Variants in AGBL4 observed in about 807,000 individuals in gnomAD.
AGBL4 encodes AGBL carboxypeptidase 4.
In AGBL4, 58 loss-of-function variants were observed where a neutral mutation model predicts 66.4. The observed-to-expected ratio is 0.87, with a 90% CI of 0.71 to 1.09. The LOEUF is 1.09. AGBL4 is among the 50% of genes least tolerant of loss of function. The probability of loss-of-function intolerance (pLI) is 0.00; values close to 1 mark genes in which losing one functional copy is unlikely to be tolerated. For missense variants in AGBL4, 579 were observed against 631.0 expected (o/e 0.92, Z 0.88); for synonymous variants, 234 against 222.9 (o/e 1.05, Z -0.44).
At chr1:49,084,071 T>C (rs1174597659) in intron 4 of AGBL4, among the ~76,000 whole-genome samples, 2 of 147,942 alleles carry the variant, frequency 1.4e-5, no homozygotes, top group East Asian at 1.9e-4. Context: ...TCATTGTCCA[T>C]ATCACTATCA....
At chr1:49,454,021 C>G (rs1454950720) in intron 3 of AGBL4, among the ~76,000 whole-genome samples, 1 of 151,702 alleles carries the variant, frequency 6.6e-6, no homozygotes, top group Non-Finnish European at 1.5e-5. Context: ...TACCCCCATT[C>G]AAAGCAGCCA....
intron 11 of AGBL4, among the ~76,000 whole-genome samples, chr1:48,574,518 TA>T (rs1306414264): frequency 1.3e-5 from 2 of 150,972 alleles, no homozygotes; most frequent in Non-Finnish European, 3.0e-5. Context: ...AAAATATGTA[TA>T]TTTTTTTCTT....
chr1:49,004,143 C>T (rs1049896708), intron 5 of AGBL4, among the ~76,000 whole-genome samples: 1 of 152,216 alleles, frequency 6.6e-6, no homozygotes, highest in Non-Finnish European at 1.5e-5. Context: ...AACTCTAACA[C>T]CTTTATATGG....
intron 5 of AGBL4, among the ~76,000 whole-genome samples, chr1:48,930,423 C>G (rs1263781432): frequency 6.6e-6 from 1 of 152,084 alleles, no homozygotes; most frequent in Non-Finnish European, 1.5e-5. Context: ...GGTCCCTCAT[C>G]TTTAAGTTTT....
intron 1 of AGBL4, among the ~76,000 whole-genome samples, chr1:49,868,238 C>T (rs1646753421): frequency 6.6e-6 from 1 of 152,094 alleles, no homozygotes; most frequent in African/African-American, 2.4e-5. Flanking sequence ...CCCATTAAAA[C>T]TACCATTAAC....
At chr1:49,165,046 G>A (rs899264649) in intron 4 of AGBL4, among the ~76,000 whole-genome samples, 3 of 152,104 alleles carry the variant, frequency 2.0e-5, no homozygotes, top group Non-Finnish European at 4.4e-5. Flanking sequence ...ATGGAGCAAT[G>A]TATAATGTGT....
At chr1:48,948,787 T>C (rs1656726837) in intron 5 of AGBL4, among the ~76,000 whole-genome samples, 1 of 152,036 alleles carries the variant, frequency 6.6e-6, no homozygotes, top group Non-Finnish European at 1.5e-5. Flanking sequence ...AAACACTGTG[T>C]AGGCAGTGAA....
At chr1:49,309,644 T>C (rs569993812) in intron 3 of AGBL4, among the ~76,000 whole-genome samples, 94 of 151,878 alleles carry the variant, frequency 6.2e-4, no homozygotes, top group African/African-American at 2.2e-3. Flanking sequence ...GTGTATGTAC[T>C]GTAAGTAGCT....
chr1:49,758,270 G>C (rs974506364), intron 2 of AGBL4, among the ~76,000 whole-genome samples: 2 of 152,200 alleles, frequency 1.3e-5, no homozygotes, highest in Admixed American at 6.5e-5. Flanking sequence ...AACTTTTGCT[G>C]TGGGTAGGGA....
intron 4 of AGBL4, among the ~76,000 whole-genome samples, chr1:49,050,328 T>G (rs1644183766): frequency 6.6e-6 from 1 of 152,082 alleles, no homozygotes; most frequent in Non-Finnish European, 1.5e-5. Flanking sequence ...ACATACTCTA[T>G]TATAACTTCT....
chr1:49,271,005 T>C (rs1644046241), intron 3 of AGBL4, among the ~76,000 whole-genome samples: 1 of 152,314 alleles, frequency 6.6e-6, no homozygotes, highest in South Asian at 2.1e-4. Context: ...GTGGGTTTCC[T>C]ATGGGATTCG....
At chr1:48,934,086 T>C (rs1655259053) in intron 5 of AGBL4, among the ~76,000 whole-genome samples, 1 of 152,202 alleles carries the variant, frequency 6.6e-6, no homozygotes, top group African/African-American at 2.4e-5. Flanking sequence ...TTAATTCCCA[T>C]TCTTTTCCCT....
chr1:49,261,911 A>T (rs1160441141), intron 3 of AGBL4, among the ~76,000 whole-genome samples: 2 of 150,744 alleles, frequency 1.3e-5, no homozygotes, highest in Admixed American at 1.3e-4. Context: ...TTCAAACTAT[A>T]CTACAAGGCT....
chr1:49,398,332 TTTCTCTCTCTC>T (rs1645014008), intron 3 of AGBL4, among the ~76,000 whole-genome samples: 1 of 81,438 alleles, frequency 1.2e-5, no homozygotes, highest in South Asian at 3.7e-4. Flanking sequence ...CCTCTCTCTC[TTTCTCTCTCTC>T]TCTCTCTCTC....
chr1:49,375,425 C>T (rs1424215348), intron 3 of AGBL4, among the ~76,000 whole-genome samples: 7 of 152,032 alleles, frequency 4.6e-5, no homozygotes, highest in Admixed American at 4.6e-4. Context: ...TAAAGGCCAC[C>T]TTTACCAACC....
At chr1:49,789,868 G>C (rs1435412265) in intron 2 of AGBL4, among the ~76,000 whole-genome samples, 1 of 152,164 alleles carries the variant, frequency 6.6e-6, no homozygotes, top group Non-Finnish European at 1.5e-5. Flanking sequence ...AGCCCGTATA[G>C]CCAAGACAAT....
intron 1 of AGBL4, among the ~76,000 whole-genome samples, chr1:49,872,461 T>C (rs533844755): frequency 6.6e-6 from 1 of 152,214 alleles, no homozygotes; most frequent in South Asian, 2.1e-4. Flanking sequence ...TTAGAAAACT[T>C]TGCCATATCT....
intron 5 of AGBL4, among the ~76,000 whole-genome samples, chr1:48,880,260 T>C (rs1214495104): frequency 2.0e-5 from 3 of 152,210 alleles, no homozygotes. Context: ...AATAATAGTC[T>C]CCAATCTTAT....
chr1:49,214,194 T>A (rs1570093877), intron 4 of AGBL4, among the ~76,000 whole-genome samples: 2 of 152,002 alleles, frequency 1.3e-5, no homozygotes, highest in Non-Finnish European at 2.9e-5. Flanking sequence ...TATAATTTAT[T>A]TGGGAAATAA....
Sources: gnomAD v4.1 joint callset for allele counts (sites outside exome capture counted in the v4.1 genomes callset) on GRCh38, gnomAD v4.1.1 for gene constraint, MANE v1.5 for transcripts, NCBI Gene and HGNC (gene_info 2026-07-23, HGNC 2026-07-21) for gene names.